Variants in NLGN1 observed in about 807,000 individuals in gnomAD.
The protein encoded by NLGN1 is neuroligin 1, also known as neuroligin-1.
A neutral mutation model predicts 65.5 loss-of-function variants in NLGN1; 12 were observed. The observed-to-expected ratio is 0.18, with a 90% CI of 0.12 to 0.30. NLGN1 has a LOEUF of 0.30. Ranked by LOEUF, NLGN1 falls within the 10% of genes least tolerant of loss-of-function variation. The pLI, the probability that NLGN1 is intolerant of heterozygous loss-of-function variation, is 1.00. For missense variants in NLGN1, 750 were observed against 1,007.1 expected, an observed-to-expected ratio of 0.74 and a Z score of 3.46; for synonymous variants, 350 against 359.5, an observed-to-expected ratio of 0.97 and a Z score of 0.30.
chr3:174,001,114 A>G (rs1723205082), intron 4 of NLGN1, among the ~76,000 whole-genome samples: 1 of 152,182 alleles, frequency 6.6e-6, no homozygotes, highest in African/African-American at 2.4e-5. Flanking sequence ...CTTTTGAAAA[A>G]ACATTCTAAA....
rs534966024 is a variant in NLGN1 at position 173,671,336 on chromosome 3, C to T, written c.493+66245C>T. On this transcript the variant is annotated intron_variant, in intron 3 of 6. Transcript: ENST00000457714. ...GCAAAATGGCGAAACCCCGCCTCTA[C>T]ATGAAATATAAAAAATTAGTCTGTA... is the stretch of plus-strand genomic sequence containing the variant. Among the ~76,000 whole-genome samples, 21 of 152,190 alleles carry T rather than the reference C, an allele frequency of 1.4e-4. 2 individuals are homozygous for T. In the South Asian group the frequency reaches 3.3e-3, roughly 24 times the overall value.
At chr3:173,665,102 C>G (rs1761513037) in intron 3 of NLGN1, among the ~76,000 whole-genome samples, 1 of 152,112 alleles carries the variant, frequency 6.6e-6, no homozygotes, top group African/African-American at 2.4e-5. Flanking sequence ...TTGATATGGT[C>G]TGGCTCTGTG....
chr3:173,876,137 T>C (rs1431859769), intron 4 of NLGN1, among the ~76,000 whole-genome samples: 1 of 152,146 alleles, frequency 6.6e-6, no homozygotes, highest in Non-Finnish European at 1.5e-5. Context: ...TTTAAAAATG[T>C]CAAGTTGGTA....
At chr3:173,636,379 G>A (rs1222572855) in intron 3 of NLGN1, among the ~76,000 whole-genome samples, 1 of 152,106 alleles carries the variant, frequency 6.6e-6, no homozygotes, top group African/African-American at 2.4e-5. Flanking sequence ...ATTCCTTCAA[G>A]GAAATTATAA....
At chr3:173,590,245 T>G (rs1748238547) in intron 2 of NLGN1, among the ~76,000 whole-genome samples, 1 of 152,186 alleles carries the variant, frequency 6.6e-6, no homozygotes, top group African/African-American at 2.4e-5. Context: ...AATTTAAATC[T>G]GTATTACTTA....
intron 4 of NLGN1, among the ~76,000 whole-genome samples, chr3:174,058,515 G>A (rs74366588): frequency 0.038 from 5,796 of 152,064 alleles, 272 homozygotes; most frequent in African/African-American, 0.11. Context: ...CCTAGTGCCT[G>A]TCAAATTGCC....
chr3:173,698,733 T>A (rs1766634443), intron 3 of NLGN1, among the ~76,000 whole-genome samples: 1 of 152,230 alleles, frequency 6.6e-6, no homozygotes, highest in Admixed American at 6.5e-5. Flanking sequence ...ATGATTAATT[T>A]CAAAAAGCCT....
chr3:174,075,577 A>T (rs992123469), intron 4 of NLGN1, among the ~76,000 whole-genome samples: 9 of 152,160 alleles, frequency 5.9e-5, no homozygotes, highest in Non-Finnish European at 1.2e-4. Flanking sequence ...TTGAGAGGAG[A>T]GTGGAGCCAG....
At chr3:174,123,937 C>T (rs1718309142) in intron 4 of NLGN1, among the ~76,000 whole-genome samples, 1 of 152,076 alleles carries the variant, frequency 6.6e-6, no homozygotes, top group African/African-American at 2.4e-5. Flanking sequence ...ATTGTGTTCT[C>T]TCAAATATGT....
chr3:173,840,778 T>C (rs1226371057), intron 4 of NLGN1, among the ~76,000 whole-genome samples: 1 of 152,214 alleles, frequency 6.6e-6, no homozygotes, highest in Non-Finnish European at 1.5e-5. Context: ...CATCATTATG[T>C]ACCTAGTTAT....
chr3:173,945,289 G>T (rs955321131), intron 4 of NLGN1, among the ~76,000 whole-genome samples: 2 of 152,020 alleles, frequency 1.3e-5, no homozygotes, highest in African/African-American at 2.4e-5. Context: ...GCAGCTATCA[G>T]TGTTTCCTCC....
At chr3:173,596,740 T>C (rs1370788074) in intron 2 of NLGN1, among the ~76,000 whole-genome samples, 1 of 152,202 alleles carries the variant, frequency 6.6e-6, no homozygotes, top group Admixed American at 6.5e-5. Context: ...TTGGAACTTC[T>C]CCATGATCAA....
chr3:173,629,513 T>G (rs1276195198), intron 3 of NLGN1, among the ~76,000 whole-genome samples: 1 of 152,146 alleles, frequency 6.6e-6, no homozygotes, highest in Non-Finnish European at 1.5e-5. Flanking sequence ...AGACATATTC[T>G]TTATTCAGAG....
At chr3:174,011,046 C>T (rs1019066628) in intron 4 of NLGN1, among the ~76,000 whole-genome samples, 3 of 152,076 alleles carry the variant, frequency 2.0e-5, no homozygotes, top group African/African-American at 4.8e-5. Context: ...ATACAATTTA[C>T]GTATGAATAG....
intron 3 of NLGN1, among the ~76,000 whole-genome samples, chr3:173,651,806 G>GT (rs1045337871): frequency 6.6e-6 from 1 of 150,968 alleles, no homozygotes; most frequent in East Asian, 1.9e-4. Flanking sequence ...TTTTTGTTTT[G>GT]TTTTTTGAGA....
chr3:173,941,176 A>G (rs11926300), intron 4 of NLGN1, among the ~76,000 whole-genome samples: 42,903 of 151,772 alleles, frequency 0.28, 6,420 homozygotes, highest in African/African-American at 0.35. Flanking sequence ...TCCGAAGATC[A>G]TAGTACAGAA....
chr3:173,424,770 A>G (rs1287104308), intron 1 of NLGN1, among the ~76,000 whole-genome samples: 1 of 152,132 alleles, frequency 6.6e-6, no homozygotes, highest in Non-Finnish European at 1.5e-5. Flanking sequence ...AAACTATTCA[A>G]CAAGTCTCTA....
At chr3:173,405,312 A>G (rs1189836321) in intron 1 of NLGN1, among the ~76,000 whole-genome samples, 1 of 152,096 alleles carries the variant, frequency 6.6e-6, no homozygotes, top group Non-Finnish European at 1.5e-5. Context: ...TGCCTTCCTT[A>G]AATTGTCCTG....
chr3:174,269,438 CT>C (rs1245988413), intron 4 of NLGN1, among the ~76,000 whole-genome samples: 1 of 151,816 alleles, frequency 6.6e-6, no homozygotes, highest in African/African-American at 2.4e-5. Context: ...ACAGTATTTG[CT>C]TTTTTTGTGA....
Sources: allele counts gnomAD v4.1 joint callset (sites outside exome capture counted in the v4.1 genomes callset), GRCh38; gene constraint gnomAD v4.1.1; transcripts MANE v1.5; gene names NCBI Gene and HGNC (gene_info 2026-07-23, HGNC 2026-07-21).